The following TOX2 variants were observed in gnomAD, a reference collection of about 807,000 sequenced individuals.
TOX2 encodes granulosa cell HMG box 1.
Under a neutral mutation model 47.4 loss-of-function variants are expected in TOX2, and 15 were observed. The observed-to-expected ratio is 0.32, with a 90% CI of 0.21 to 0.49. TOX2 has a LOEUF of 0.49. TOX2 is among the 20% of genes least tolerant of loss of function. TOX2 has a pLI of 0.99. For synonymous variants in TOX2, 290 were observed against 296.6 expected (o/e 0.98, Z 0.23); for missense variants, 622 against 673.1 (o/e 0.92, Z 0.84).
chr20:43,985,840 G>A (rs1411446351), intron 2 of TOX2, among the ~76,000 whole-genome samples: 1 of 152,116 alleles, frequency 6.6e-6, no homozygotes, highest in Non-Finnish European at 1.5e-5. Flanking sequence ...AGGGTGCTTA[G>A]AGCAGAGTGA....
At chr20:44,064,162 C>G (rs1380715736) in intron 5 of TOX2, among the ~76,000 whole-genome samples, 1 of 152,140 alleles carries the variant, frequency 6.6e-6, no homozygotes, top group Non-Finnish European at 1.5e-5. Flanking sequence ...AGAGGGCTCA[C>G]CAATATGTGA....
At position 43,973,444 on chromosome 20, in the gene TOX2, A is replaced by G. The variant is rs749275531; in HGVS notation, c.165+12A>G. On this transcript the variant is annotated intron_variant, in intron 2 of 8. Transcript: ENST00000341197. ...TGTCAACCAGCCAGGTGGGTGCCTC[A>G]TCCTCCCTGAACGGGTGTCTTAAGA... 1 of 1,613,900 alleles carries G rather than the reference A, an allele frequency of 6.2e-7. No individual in the cohort carries two copies. The highest frequency in any genetic ancestry group is 8.5e-7 in the Non-Finnish European group (1 of 1,179,874).
At chr20:43,989,949 GA>G (rs2070339718) in intron 2 of TOX2, among the ~76,000 whole-genome samples, 2 of 152,268 alleles carry the variant, frequency 1.3e-5, no homozygotes, top group African/African-American at 4.8e-5. Flanking sequence ...ACTGAAGGGG[GA>G]TTTACTTCCA....
chr20:43,993,150 C>T (rs2070400972), intron 2 of TOX2, among the ~76,000 whole-genome samples: 1 of 152,066 alleles, frequency 6.6e-6, no homozygotes, highest in African/African-American at 2.4e-5. Flanking sequence ...GAGACTGGGC[C>T]GGATCATGCA....
chr20:44,013,492 A>G (rs1034904292), intron 3 of TOX2, among the ~76,000 whole-genome samples: 1 of 152,250 alleles, frequency 6.6e-6, no homozygotes, highest in Non-Finnish European at 1.5e-5. Flanking sequence ...CACAGGGGGC[A>G]GTAGGGACCC....
intron 4 of TOX2, among the ~76,000 whole-genome samples, chr20:44,053,604 A>G (rs2145762318): frequency 2.8e-5 from 2 of 72,412 alleles, no homozygotes; most frequent in Middle Eastern, 0.011. Flanking sequence ...ACACACATAT[A>G]TATACATATA....
chr20:44,051,659 C>G (rs986228417), intron 4 of TOX2, 114 bp downstream of exon 4: 92 of 1,438,586 alleles, frequency 6.4e-5, no homozygotes, highest in Non-Finnish European at 8.1e-5. Flanking sequence ...GCCTGATGTC[C>G]CAAGGTCCCC....
intron 1 of TOX2, among the ~76,000 whole-genome samples, chr20:43,948,200 C>T (rs960913710): frequency 3.9e-5 from 6 of 152,300 alleles, no homozygotes; most frequent in Non-Finnish European, 8.8e-5. Flanking sequence ...CACAGGGGCC[C>T]AAACACGGCA....
chr20:43,937,730 C>T (rs77428310), intron 1 of TOX2, among the ~76,000 whole-genome samples: 1,687 of 152,220 alleles, frequency 0.011, 26 homozygotes, highest in South Asian at 0.055. Flanking sequence ...ATCCTGGGGG[C>T]GACCGCAGCA....
intron 3 of TOX2, among the ~76,000 whole-genome samples, chr20:44,042,023 C>G (rs577030786): frequency 2.8e-4 from 43 of 152,326 alleles, no homozygotes; most frequent in African/African-American, 1.0e-3. Context: ...TTAGTCTGTT[C>G]TCATGCTGCT....
At chr20:44,040,583 A>T (rs1454843024) in intron 3 of TOX2, among the ~76,000 whole-genome samples, 2 of 152,036 alleles carry the variant, frequency 1.3e-5, no homozygotes, top group African/African-American at 4.8e-5. Context: ...TCTGCTGGGG[A>T]TGATTATATT....
At chr20:44,058,273 G>A (rs2071657578) in intron 5 of TOX2, among the ~76,000 whole-genome samples, 1 of 152,188 alleles carries the variant, frequency 6.6e-6, no homozygotes, top group South Asian at 2.1e-4. Context: ...GCTGTTGGGG[G>A]TGCATGGTGG....
intron 3 of TOX2, among the ~76,000 whole-genome samples, chr20:44,014,414 G>A (rs1017574668): frequency 2.6e-5 from 4 of 152,222 alleles, no homozygotes; most frequent in Non-Finnish European, 5.9e-5. Context: ...AGAGAGGCAA[G>A]AATGTGTAGC....
intron 1 of TOX2, among the ~76,000 whole-genome samples, chr20:43,922,868 C>A (rs1033930332): frequency 2.6e-5 from 4 of 152,088 alleles, no homozygotes; most frequent in Non-Finnish European, 4.4e-5. Flanking sequence ...GGGATTCAGC[C>A]CTGTCCTGGA....
chr20:43,935,841 C>T (rs1174607089), intron 1 of TOX2, among the ~76,000 whole-genome samples: 1 of 141,960 alleles, frequency 7.0e-6, no homozygotes, highest in African/African-American at 2.6e-5. Context: ...GCAGGAGAAT[C>T]GCTTGAACCC....
Position 44,066,810 on chromosome 20 carries a change from C to A in TOX2, c.1437C>A (p.Asp479Glu). The change falls in exon 8 of 9, where the codon GAC becomes GAA. Residue 479 changes from aspartate to glutamate, a missense_variant. This residue lies in a region of TOX2 where 294 missense variants were observed against 300.0 expected (regional missense o/e 0.98). Transcript: ENST00000341197. ...PGPSNPTSSG[D>E]WDSSYPSGEC... ...CATCCAACCCCACCAGCAGCGGGGA[C>A]TGGGACAGCAGCTACCCCAGTGGGG... The A allele has an allele frequency of 6.8e-6, 11 of 1,614,180 alleles. No individual in the cohort carries two copies. Among genetic ancestry groups the A allele is most frequent in the Non-Finnish European group, 9.3e-6 (11 of 1,180,020 alleles).
intron 3 of TOX2, among the ~76,000 whole-genome samples, chr20:44,042,449 G>A (rs1428430366): frequency 2.0e-5 from 3 of 152,294 alleles, no homozygotes; most frequent in African/African-American, 7.2e-5. Flanking sequence ...TCAGCTCCAG[G>A]TTTTCTCCCA....
chr20:44,038,755 C>A (rs998208248), intron 3 of TOX2, among the ~76,000 whole-genome samples: 4 of 152,034 alleles, frequency 2.6e-5, no homozygotes, highest in Non-Finnish European at 5.9e-5. Flanking sequence ...CGGCAGAAGG[C>A]GGGAAGGAGG....
At chr20:43,927,458 AACACACACACACACACACACACACAC>A (rs34410581) in intron 1 of TOX2, among the ~76,000 whole-genome samples, 21 of 131,382 alleles carry the variant, frequency 1.6e-4, no homozygotes, top group African/African-American at 4.2e-4. Flanking sequence ...TGATCTATAT[AACACACACACACACACACACACACAC>A]ACACACACAC....
Sources: gnomAD v4.1 joint callset for allele counts (sites outside exome capture counted in the v4.1 genomes callset) on GRCh38, gnomAD v4.1.1 for gene constraint, gnomAD v4.1.1 regional missense constraint, MANE v1.5 for transcripts, NCBI Gene and HGNC (gene_info 2026-07-23, HGNC 2026-07-21) for gene names.